The following SLC4A8 variants were observed in gnomAD, a reference collection of about 807,000 sequenced individuals.
SLC4A8 encodes the protein solute carrier family 4 member 8, also known as electroneutral sodium bicarbonate exchanger 1.
In SLC4A8, 40 loss-of-function variants were observed where a neutral mutation model predicts 125.0. That is an observed-to-expected ratio of 0.32 (90% CI 0.25 to 0.42). The LOEUF is 0.42. Ranked by LOEUF, SLC4A8 falls within the 10% of genes least tolerant of loss-of-function variation. SLC4A8 has a pLI of 1.00. For synonymous variants in SLC4A8, 456 were observed against 476.0 expected (o/e 0.96, Z 0.55); for missense variants, 863 against 1,355.1 (o/e 0.64, Z 5.70).
chr12:51,489,565 C>T (rs1565816856), intron 18 of SLC4A8, 135 bp from the exon 19 acceptor site: 1 of 1,091,104 alleles, frequency 9.2e-7, no homozygotes, highest in East Asian at 2.4e-5. Context: ...CTACAAGACT[C>T]CTCTTGGATC....
At chr12:51,416,044 C>G (rs1948679150) in intron 1 of SLC4A8, among the ~76,000 whole-genome samples, 1 of 150,946 alleles carries the variant, frequency 6.6e-6, no homozygotes, top group Non-Finnish European at 1.5e-5. Flanking sequence ...CTTGGTATAC[C>G]TTTGCTCATT....
chr12:51,459,324 T>C (rs752342427), intron 7 of SLC4A8, among the ~76,000 whole-genome samples: 13 of 152,230 alleles, frequency 8.5e-5, no homozygotes, highest in Non-Finnish European at 1.0e-4. Context: ...AACATTTCTC[T>C]TGGAGGAAGC....
rs369052136 is a variant in SLC4A8 at position 51,469,806 on chromosome 12, C to A, written c.1524+18C>A. On this transcript the variant is annotated intron_variant, in intron 12 of 24. Coordinates refer to ENST00000453097, the MANE Select transcript of SLC4A8 (RefSeq NM_001039960.3). ...GACGCATAGTAAGGACTTTTAACCACTTCTAATGATCCCAAACAAGACCTA... is the reference window on the plus strand; with the variant it reads ...GACGCATAGTAAGGACTTTTAACCAATTCTAATGATCCCAAACAAGACCTA... 6.8e-6 allele frequency: 11 copies of A among 1,610,728 alleles called. No homozygotes were observed. Among genetic ancestry groups the A allele is most frequent in the Non-Finnish European group, 9.3e-6 (11 of 1,177,836 alleles).
chr12:51,474,994 A>G (rs1287500319), intron 15 of SLC4A8, 51 bp from the exon 16 acceptor site: 8 of 1,532,690 alleles, frequency 5.2e-6, no homozygotes, highest in African/African-American at 4.1e-5. Context: ...GGAAACAGCT[A>G]TTTATTTGGT....
intron 22 of SLC4A8, among the ~76,000 whole-genome samples, chr12:51,498,487 A>C (rs1427092150): frequency 2.6e-5 from 4 of 152,184 alleles, no homozygotes; most frequent in Admixed American, 6.5e-5. Context: ...AATTTAAGCA[A>C]GGAGAATACT....
intron 1 of SLC4A8, among the ~76,000 whole-genome samples, chr12:51,404,476 A>G (rs1948451782): frequency 6.6e-6 from 1 of 152,112 alleles, no homozygotes; most frequent in African/African-American, 2.4e-5. Flanking sequence ...TAGGCATGTT[A>G]CCCAAGCCAG....
chr12:51,407,434 ATT>A (rs58496155), intron 1 of SLC4A8, among the ~76,000 whole-genome samples: 5 of 144,642 alleles, frequency 3.5e-5, no homozygotes, highest in Admixed American at 1.4e-4. Flanking sequence ...TATAAAAAAA[ATT>A]TTTTTTTTTT....
chr12:51,459,879 A>T (rs1331677195), intron 7 of SLC4A8, 72 bp from the exon 8 acceptor site: 1 of 1,364,434 alleles, frequency 7.3e-7, no homozygotes, highest in African/African-American at 1.5e-5. Flanking sequence ...AAAAAAAAGT[A>T]AATAAAAAAT....
intron 1 of SLC4A8, among the ~76,000 whole-genome samples, chr12:51,433,859 T>G (rs1267281585): frequency 3.2e-5 from 2 of 61,558 alleles, no homozygotes; most frequent in Non-Finnish European, 6.8e-5. Flanking sequence ...CTGTTTTTTT[T>G]TTTTTTTTTT....
chr12:51,432,013 T>A (rs1247608357), intron 1 of SLC4A8, among the ~76,000 whole-genome samples: 1 of 152,154 alleles, frequency 6.6e-6, no homozygotes, highest in African/African-American at 2.4e-5. Context: ...TTTTGTGAGA[T>A]CTTAGCCTCA....
At chr12:51,484,857 G>C (rs1388196353) in intron 16 of SLC4A8, among the ~76,000 whole-genome samples, 1 of 152,078 alleles carries the variant, frequency 6.6e-6, no homozygotes, top group African/African-American at 2.4e-5. Flanking sequence ...GGTGGAGGGA[G>C]GTGGCCAATT....
At chr12:51,468,210 C>T (rs1482931075) in intron 11 of SLC4A8, among the ~76,000 whole-genome samples, 2 of 152,188 alleles carry the variant, frequency 1.3e-5, no homozygotes, top group African/African-American at 4.8e-5. Flanking sequence ...AACACATCTC[C>T]TCCTTAGGGA....
chr12:51,491,954 A>T (rs1199850304), intron 19 of SLC4A8, among the ~76,000 whole-genome samples: 1 of 152,188 alleles, frequency 6.6e-6, no homozygotes, highest in African/African-American at 2.4e-5. Context: ...GTAGAAATCC[A>T]ATTATAGGTG....
At chr12:51,469,832 A>G (rs371446347) in intron 12 of SLC4A8, 44 bp downstream of exon 12, 3 of 1,592,218 alleles carry the variant, frequency 1.9e-6, no homozygotes, top group Non-Finnish European at 2.6e-6. Context: ...ACAAGACCTA[A>G]AATATTGTGG....
intron 17 of SLC4A8, among the ~76,000 whole-genome samples, chr12:51,487,043 C>T (rs4761976): frequency 0.34 from 51,739 of 152,026 alleles, 9,827 homozygotes; most frequent in Non-Finnish European, 0.43. Context: ...GAACATTAAG[C>T]GGTCCTTGGA....
chr12:51,457,256 C>G (rs1950177900), intron 5 of SLC4A8, 95 bp from the exon 6 acceptor site: 1 of 977,316 alleles, frequency 1.0e-6, no homozygotes, highest in Non-Finnish European at 1.5e-6. Context: ...CTGCTTCCCC[C>G]TACTCCATGC....
intron 7 of SLC4A8, among the ~76,000 whole-genome samples, chr12:51,459,747 C>A (rs919513797): frequency 1.3e-5 from 2 of 152,102 alleles, no homozygotes; most frequent in Non-Finnish European, 2.9e-5. Context: ...TGGTGCATGC[C>A]TGTAATTCCA....
chr12:51,429,807 C>T lies in SLC4A8; in HGVS notation c.48+4772C>T, dbSNP rs558850301. ...TATAGGCATGACCACCACGCCCAGC[C>T]GGTTATTGAAATTTTAAGAGTCAAT... On this transcript the variant is annotated intron_variant, in intron 1 of 24. Coordinates refer to ENST00000453097, the MANE Select transcript of SLC4A8 (RefSeq NM_001039960.3). 1.0e-3 allele frequency among the ~76,000 whole-genome samples: 153 copies of T among 151,872 alleles called. 1 individual carries two copies. Among genetic ancestry groups the T allele is most frequent in the Admixed American group, 1.8e-3 (27 of 15,240 alleles).
At chr12:51,423,678 A>T (rs1206661797), upstream of SLC4A8, among the ~76,000 whole-genome samples, 1 of 152,174 alleles carries the variant, frequency 6.6e-6, no homozygotes, top group East Asian at 1.9e-4. Flanking sequence ...TATTTGCAAC[A>T]ATTCTTCCCC....
Sources: gnomAD v4.1 joint callset for allele counts (sites outside exome capture counted in the v4.1 genomes callset) on GRCh38, gnomAD v4.1.1 for gene constraint, MANE v1.5 for transcripts, NCBI Gene and HGNC (gene_info 2026-07-23, HGNC 2026-07-21) for gene names.